Variants in RUFY3 observed in about 807,000 individuals in gnomAD.
The protein encoded by RUFY3 is protein RUFY3.
In RUFY3, 34 loss-of-function variants were observed where a neutral mutation model predicts 84.0. The observed-to-expected ratio is 0.40, with a 90% confidence interval of 0.31 to 0.54. The LOEUF (loss-of-function observed/expected upper bound fraction) is 0.54, where lower values mean the gene tolerates loss of function less well. Ranked by LOEUF, RUFY3 falls within the 20% of genes least tolerant of loss-of-function variation. The probability of loss-of-function intolerance (pLI) is 0.39; values close to 1 mark genes in which losing one functional copy is unlikely to be tolerated. For synonymous variants in RUFY3, 242 were observed against 252.9 expected (o/e 0.96, Z 0.41); for missense variants, 507 against 736.8 (o/e 0.69, Z 3.61).
At position 70,763,677 on chromosome 4, in the gene RUFY3, T is replaced by G; in HGVS notation, c.470+8T>G. On this transcript the variant is annotated splice_region_variant and intron_variant, in intron 3 of 17. Transcript: ENST00000381006. ...AGATCTTCCAGGACTTAAGTAAGTC[T>G]AAGGTTGAATTCCATTTCTCAGGAA... is the stretch of plus-strand genomic sequence containing the variant. 9 of 1,605,004 alleles carry G rather than the reference T, an allele frequency of 5.6e-6. No individual in the cohort carries two copies. Among genetic ancestry groups the G allele is most frequent in the Non-Finnish European group, 7.6e-6 (9 of 1,177,154 alleles).
intron 1 of RUFY3, among the ~76,000 whole-genome samples, chr4:70,757,145 CA>C (rs1398821870): frequency 6.6e-6 from 1 of 151,808 alleles, no homozygotes; most frequent in Non-Finnish European, 1.5e-5. Flanking sequence ...TGGTTGCACA[CA>C]CCTGTTTATT....
chr4:70,780,178 A>G (rs1242803472), intron 8 of RUFY3, among the ~76,000 whole-genome samples: 1 of 152,148 alleles, frequency 6.6e-6, no homozygotes, highest in Admixed American at 6.5e-5. Flanking sequence ...TGCTGCTACT[A>G]TGTTGAAGCA....
intron 1 of RUFY3, among the ~76,000 whole-genome samples, chr4:70,734,022 G>A (rs747378163): frequency 2.6e-5 from 4 of 152,186 alleles, no homozygotes; most frequent in Non-Finnish European, 4.4e-5. Flanking sequence ...ACATCTGTGA[G>A]TGGGAACATT....
intron 1 of RUFY3, among the ~76,000 whole-genome samples, chr4:70,744,122 T>C (rs996042102): frequency 6.6e-6 from 1 of 152,222 alleles, no homozygotes. Context: ...CTTCAACTGC[T>C]AAGCTGTTTT....
At chr4:70,776,885 A>G (rs565313675) in intron 7 of RUFY3, among the ~76,000 whole-genome samples, 1 of 152,368 alleles carries the variant, frequency 6.6e-6, no homozygotes, top group Admixed American at 6.5e-5. Flanking sequence ...TCTAAGGGCC[A>G]CTGTCCTTAC....
chr4:70,782,100 G>A (rs1729016066), intron 8 of RUFY3, among the ~76,000 whole-genome samples: 2 of 152,046 alleles, frequency 1.3e-5, no homozygotes, highest in Admixed American at 6.6e-5. Context: ...ATCTATAAAA[G>A]ATCTTATAGA....
At chr4:70,798,966 A>G (rs1475544843) in intron 14 of RUFY3, among the ~76,000 whole-genome samples, 2 of 150,878 alleles carry the variant, frequency 1.3e-5, no homozygotes, top group African/African-American at 4.9e-5. Context: ...CCTGGCCAAC[A>G]TGGTGAAACC....
At chr4:70,757,081 G>A (rs1164370447) in intron 1 of RUFY3, among the ~76,000 whole-genome samples, 1 of 151,722 alleles carries the variant, frequency 6.6e-6, no homozygotes, top group Non-Finnish European at 1.5e-5. Flanking sequence ...GACCAGCTGG[G>A]CAACATAGGG....
chr4:70,797,267 T>A (rs900837958), intron 14 of RUFY3, among the ~76,000 whole-genome samples: 1 of 152,110 alleles, frequency 6.6e-6, no homozygotes, highest in Admixed American at 6.6e-5. Context: ...AACTGATGTC[T>A]TATCCTTTTT....
chr4:70,725,023 G>A (rs1451110273), intron 1 of RUFY3, among the ~76,000 whole-genome samples: 2 of 152,158 alleles, frequency 1.3e-5, no homozygotes, highest in African/African-American at 4.8e-5. Context: ...AAAAACATCT[G>A]ACCACCCAAA....
At chr4:70,770,540 A>G (rs937194068) in intron 5 of RUFY3, among the ~76,000 whole-genome samples, 3 of 152,166 alleles carry the variant, frequency 2.0e-5, no homozygotes, top group Non-Finnish European at 4.4e-5. Context: ...TTTCCTCTGC[A>G]GCTTTTTTAC....
intron 1 of RUFY3, among the ~76,000 whole-genome samples, chr4:70,746,826 A>G (rs769358883): frequency 6.6e-5 from 10 of 152,238 alleles, no homozygotes; most frequent in African/African-American, 2.2e-4. Context: ...TTCTATTTAC[A>G]TAACAGTCTT....
intron 1 of RUFY3, among the ~76,000 whole-genome samples, chr4:70,726,806 C>G (rs1451522570): frequency 1.3e-5 from 2 of 152,126 alleles, no homozygotes; most frequent in Non-Finnish European, 2.9e-5. Flanking sequence ...CATGGAAAGG[C>G]GGGGGTGAAG....
At chr4:70,759,664 T>C (rs888276936) in intron 1 of RUFY3, among the ~76,000 whole-genome samples, 1 of 152,204 alleles carries the variant, frequency 6.6e-6, no homozygotes, top group Non-Finnish European at 1.5e-5. Flanking sequence ...TTCCCTTTTT[T>C]CTGCATCCAC....
In RUFY3 at chr4:70,705,474, C is replaced by T. The variant is rs977446690; in HGVS notation, c.358+180C>T. On this transcript the variant is annotated intron_variant, in intron 1 of 11. Transcript: ENST00000417478. ...TCTCCCGAGGCGCCCGGTGAGGAGG[C>T]AGCGGGACGACCGCGGTTCGGGCGC... Among the ~76,000 whole-genome samples, 11 of 152,246 alleles carry T rather than the reference C, an allele frequency of 7.2e-5. 1 individual carries two copies. The highest frequency in any genetic ancestry group is 2.6e-4 in the African/African-American group (11 of 41,556).
chr4:70,723,394 A>G (rs1395234412), intron 1 of RUFY3, among the ~76,000 whole-genome samples: 1 of 152,214 alleles, frequency 6.6e-6, no homozygotes, highest in Non-Finnish European at 1.5e-5. Flanking sequence ...ATCCCTATAG[A>G]TTACAATAGA....
chr4:70,782,552 GGATTA>G (rs1729107938), intron 8 of RUFY3, among the ~76,000 whole-genome samples: 2 of 151,700 alleles, frequency 1.3e-5, no homozygotes, highest in Admixed American at 1.3e-4. Context: ...TAAAGTGCTG[GGATTA>G]CAGGCATGAG....
At position 70,789,526 on chromosome 4, in the gene RUFY3, A is replaced by C; in HGVS notation, c.1271A>C (p.Glu424Ala). 6.2e-7 allele frequency: 1 copy of C among 1,613,128 alleles called. No homozygotes were observed. The change falls in exon 12 of 18, where the codon GAA (glutamate) becomes GCA (alanine). Residue 424 changes from glutamate to alanine, a missense_variant. This residue lies in a region of RUFY3 where 334 missense variants were observed against 364.1 expected (regional missense o/e 0.92). Coordinates refer to ENST00000381006, the MANE Select transcript of RUFY3 (RefSeq NM_001037442.4). ...SSDLGVKQKS[E>A]LNSRLEEKTN... ...GACTTAGGAGTAAAACAGAAAAGTG[A>C]ACTAAACAGTCGCTTGGAAGAGAAG...
chr4:70,708,095 C>T (rs1740542411), intron 1 of RUFY3, among the ~76,000 whole-genome samples: 1 of 152,144 alleles, frequency 6.6e-6, no homozygotes, highest in Admixed American at 6.5e-5. Context: ...TGCACTCCTG[C>T]CTGAGCAACA....
Sources: allele counts gnomAD v4.1 joint callset (sites outside exome capture counted in the v4.1 genomes callset), GRCh38; gene constraint gnomAD v4.1.1; regional missense constraint gnomAD v4.1.1; transcripts MANE v1.5; gene names NCBI Gene and HGNC (gene_info 2026-07-23, HGNC 2026-07-21).